TDRD1: variants seen among roughly 807,000 people sequenced by gnomAD.
TDRD1 encodes the protein tudor domain-containing protein 1.
In TDRD1, 37 loss-of-function variants were observed where a neutral mutation model predicts 140.6. The ratio of observed to expected loss-of-function variants is 0.26; its 90% confidence interval spans 0.20 to 0.35. The LOEUF (loss-of-function observed/expected upper bound fraction) is 0.35. TDRD1 is among the 10% of genes least tolerant of loss of function. The pLI is 1.00. For synonymous variants in TDRD1, 506 were observed against 475.7 expected, an observed-to-expected ratio of 1.06 and a Z score of -0.83; for missense variants, 1,243 against 1,393.0, an observed-to-expected ratio of 0.89 and a Z score of 1.71.
At chr10:114,211,715 C>T (rs965027228) in intron 13 of TDRD1, 151 bp from the exon 14 acceptor site, 10 of 710,454 alleles carry the variant, frequency 1.4e-5, no homozygotes, top group East Asian at 9.5e-5. Flanking sequence ...TTGAAGGCTT[C>T]TGATAAGCAA....
intron 1 of TDRD1, among the ~76,000 whole-genome samples, chr10:114,180,816 T>C (rs968740882): frequency 6.6e-6 from 1 of 152,186 alleles, no homozygotes; most frequent in Non-Finnish European, 1.5e-5. Context: ...TACATGGGGT[T>C]GCCAGGAAGA....
At chr10:114,229,710 G>A (rs1010714654) in intron 25 of TDRD1, among the ~76,000 whole-genome samples, 7 of 149,450 alleles carry the variant, frequency 4.7e-5, no homozygotes, top group East Asian at 2.0e-4. Context: ...TGCCACACCC[G>A]GCTAATCTTA....
intron 3 of TDRD1, among the ~76,000 whole-genome samples, chr10:114,195,335 T>C (rs2034269443): frequency 6.6e-6 from 1 of 152,228 alleles, no homozygotes; most frequent in African/African-American, 2.4e-5. Flanking sequence ...AGACGACCTA[T>C]AAATACCTAA....
chr10:114,227,715 G>A (rs1360043433), intron 23 of TDRD1, among the ~76,000 whole-genome samples, 195 bp from the exon 24 acceptor site: 1 of 152,152 alleles, frequency 6.6e-6, no homozygotes, highest in Non-Finnish European at 1.5e-5. Flanking sequence ...CCAAAACCTT[G>A]GAGACATGGG....
At chr10:114,210,536 TGG>T (rs1589693754) in intron 11 of TDRD1, 43 bp from the exon 12 acceptor site, 1 of 1,514,472 alleles carries the variant, frequency 6.6e-7, no homozygotes, top group Non-Finnish European at 8.8e-7. Flanking sequence ...TTTTTTACTT[TGG>T]ATGAAAACAA....
chr10:114,204,249 G>A (rs774416737), intron 9 of TDRD1, 33 bp downstream of exon 9: 3 of 1,561,782 alleles, frequency 1.9e-6, no homozygotes, highest in Non-Finnish European at 2.6e-6. Context: ...ATTTTTAATA[G>A]TGTCCCAAAG....
chr10:114,218,097 C>A (rs2035926312), intron 17 of TDRD1, among the ~76,000 whole-genome samples: 1 of 152,170 alleles, frequency 6.6e-6, no homozygotes. Context: ...TATTATACAT[C>A]TCCAAAACTG....
At chr10:114,221,938 T>C (rs2036169813) in intron 20 of TDRD1, among the ~76,000 whole-genome samples, 1 of 152,240 alleles carries the variant, frequency 6.6e-6, no homozygotes, top group Non-Finnish European at 1.5e-5. Context: ...TTCATGGAAG[T>C]TGCAATTAAG....
At chr10:114,205,343 T>G (rs117997069) in intron 10 of TDRD1, among the ~76,000 whole-genome samples, 1 of 152,332 alleles carries the variant, frequency 6.6e-6, no homozygotes, top group Non-Finnish European at 1.5e-5. Flanking sequence ...ATAAATGACT[T>G]CTCACAGTGT....
chr10:114,228,048 A>G (rs141557722), exon 25 of TDRD1: 4 of 1,610,046 alleles, frequency 2.5e-6, no homozygotes, highest in Non-Finnish European at 3.4e-6. Flanking sequence ...GTTGAAAAAC[A>G]TGAACATATT....
chr10:114,197,203 A>G (rs926964963), intron 3 of TDRD1, among the ~76,000 whole-genome samples: 6 of 151,980 alleles, frequency 3.9e-5, no homozygotes, highest in Admixed American at 2.0e-4. Context: ...TTCTGAAGTC[A>G]TAGAATACTA....
At chr10:114,183,447 A>G (rs2033259581) in intron 1 of TDRD1, among the ~76,000 whole-genome samples, 1 of 152,216 alleles carries the variant, frequency 6.6e-6, no homozygotes, top group South Asian at 2.1e-4. Context: ...GAAAATGAAA[A>G]AGACAGTGAA....
intron 8 of TDRD1, among the ~76,000 whole-genome samples, 193 bp downstream of exon 8, chr10:114,203,760 G>A (rs764785347): frequency 5.9e-5 from 9 of 152,134 alleles, no homozygotes; most frequent in South Asian, 2.1e-4. Flanking sequence ...CTCTGTTTAC[G>A]GGTTCCTGAA....
At chr10:114,185,955 A>G (rs1008307140) in intron 1 of TDRD1, among the ~76,000 whole-genome samples, 1 of 152,124 alleles carries the variant, frequency 6.6e-6, no homozygotes, top group African/African-American at 2.4e-5. Context: ...ACCTTACCAT[A>G]TAATTTGGTT....
chr10:114,210,677 A>G (rs1589694101), exon 12 of TDRD1: 2 of 1,613,184 alleles, frequency 1.2e-6, no homozygotes. Context: ...AATGTAGGTG[A>G]TGAGTTTTGT....
In TDRD1 at chr10:114,202,299, G is replaced by A. The variant is rs769921587; in HGVS notation, c.696+1G>A. 1.3e-6 allele frequency: 2 copies of A among 1,593,706 alleles called. No homozygotes were observed. Among genetic ancestry groups the A allele is most frequent in the Non-Finnish European group, 1.7e-6 (2 of 1,168,458 alleles). On this transcript the variant is annotated splice_donor_variant, in intron 6 of 25. Coordinates refer to ENST00000251864, the Ensembl canonical transcript of TDRD1. LOFTEE classifies it high-confidence loss of function. ...AAAGGATGTGGAGGTAAACAATAAG[G>A]TATGGTATACTTTGTCTTTAAATTT... is the stretch of plus-strand genomic sequence containing the variant.
chr10:114,194,723 G>T (rs903511284), intron 3 of TDRD1, among the ~76,000 whole-genome samples: 28 of 144,612 alleles, frequency 1.9e-4, no homozygotes, highest in Non-Finnish European at 3.0e-4. Flanking sequence ...TTGTTTGGGG[G>T]TTTTTTTGTT....
In TDRD1 at chr10:114,204,262, G is replaced by T. The variant is rs1444758580; in HGVS notation, c.1125+46G>T. The T allele has an allele frequency of 2.6e-6, 4 of 1,543,616 alleles. No individual in the cohort carries two copies. The African/African-American group carries it at 5.6e-5, about 22-fold the overall frequency. ...AGATTTTTAATAGTGTCCCAAAGGA[G>T]CTGTTGTCAATGTTTTGATGGGCAC... On this transcript the variant is annotated intron_variant, in intron 9 of 25. Coordinates refer to ENST00000251864, the Ensembl canonical transcript of TDRD1.
rs181954697 is a variant in TDRD1, at chr10:114,188,711, G to T, written c.325+555G>T. ...ATCTCTACTAAAAATACAGAAACTA[G>T]CCGGGCGTGGTGGCACAAGCCTGTA... is the stretch of plus-strand genomic sequence containing the variant. On this transcript the variant is annotated intron_variant, in intron 2 of 25. Coordinates refer to ENST00000251864, the Ensembl canonical transcript of TDRD1. Among the ~76,000 whole-genome samples, 82 of 152,068 alleles carry T rather than the reference G, an allele frequency of 5.4e-4. No homozygotes were observed. In the East Asian group the frequency reaches 0.011, roughly 20 times the overall value.
Sources: gnomAD v4.1 joint callset for allele counts (sites outside exome capture counted in the v4.1 genomes callset) on GRCh38, gnomAD v4.1.1 for gene constraint, MANE v1.5 for transcripts, NCBI Gene and HGNC (gene_info 2026-07-23, HGNC 2026-07-21) for gene names.